The following ZNF710 variants were observed in gnomAD, a reference collection of about 807,000 sequenced individuals.
ZNF710 encodes the protein zinc finger protein 710.
In ZNF710, 13 loss-of-function variants were observed where a neutral mutation model predicts 50.6. The observed-to-expected ratio is 0.26, with a 90% confidence interval of 0.17 to 0.41. The LOEUF (loss-of-function observed/expected upper bound fraction) is 0.41, where lower values mean the gene tolerates loss of function less well. Ranked by LOEUF, ZNF710 falls within the 10% of genes least tolerant of loss-of-function variation. The pLI is 1.00. For missense variants in ZNF710, 721 were observed against 936.6 expected (o/e 0.77, Z 3.01); for synonymous variants, 383 against 397.0 (o/e 0.96, Z 0.42).
rs1354744208 is a variant in ZNF710, at chr15:90,034,946, G to T, written c.-28-32164G>T. ...CAGAGAAAGAGGCTTGATGGCCGGA[G>T]CCCCAGGGCTTCCCTGCTGGTAGAA... On this transcript the variant is annotated intron_variant, in intron 1 of 4. Transcript: ENST00000268154. The surrounding 1 kb of genome is among the most constrained non-coding windows in gnomAD (Gnocchi z 4.0). 3.3e-5 allele frequency among the ~76,000 whole-genome samples: 5 copies of T among 152,226 alleles called. No homozygotes were observed. The highest frequency in any genetic ancestry group is 1.2e-4 in the African/African-American group (5 of 41,462).
At chr15:90,055,304 G>A (rs1899777343) in intron 1 of ZNF710, among the ~76,000 whole-genome samples, 1 of 152,192 alleles carries the variant, frequency 6.6e-6, no homozygotes. Context: ...TGAAGGGAGA[G>A]GAATGAGGAA....
At chr15:90,002,876 C>G (rs533284243) in intron 1 of ZNF710, among the ~76,000 whole-genome samples, 1 of 152,092 alleles carries the variant, frequency 6.6e-6, no homozygotes, top group South Asian at 2.1e-4. Flanking sequence ...ATCCGGGGTG[C>G]CTTTTCTTTT....
At chr15:90,008,008 T>C (rs1898182146) in intron 1 of ZNF710, among the ~76,000 whole-genome samples, 2 of 151,978 alleles carry the variant, frequency 1.3e-5, no homozygotes, top group Non-Finnish European at 2.9e-5. Context: ...AAAGGCTAAA[T>C]TAAAAATTCT....
intron 1 of ZNF710, among the ~76,000 whole-genome samples, chr15:90,004,664 A>G (rs960899010): frequency 6.6e-6 from 1 of 152,238 alleles, no homozygotes; most frequent in Non-Finnish European, 1.5e-5. Flanking sequence ...TAAGTGGCAG[A>G]GCCAGCACTC....
At chr15:90,001,911 G>A (rs1398860626) in intron 1 of ZNF710, among the ~76,000 whole-genome samples, 7 of 130,366 alleles carry the variant, frequency 5.4e-5, no homozygotes, top group Non-Finnish European at 1.2e-4. Flanking sequence ...GGGGGAGGGG[G>A]AAGGGAGAGG....
chr15:90,004,948 A>C (rs1438513442), intron 1 of ZNF710, among the ~76,000 whole-genome samples: 1 of 152,250 alleles, frequency 6.6e-6, no homozygotes, highest in Non-Finnish European at 1.5e-5. Flanking sequence ...AAAGTCCAAC[A>C]ATCAGAGAAG....
intron 1 of ZNF710, among the ~76,000 whole-genome samples, chr15:90,035,761 T>C (rs1036132720): frequency 1.3e-5 from 2 of 152,204 alleles, no homozygotes; most frequent in African/African-American, 4.8e-5. Context: ...CTAGCAAAAA[T>C]GTCCTCTGGA....
intron 1 of ZNF710, among the ~76,000 whole-genome samples, chr15:90,013,403 G>A (rs1481661066): frequency 6.6e-6 from 1 of 152,164 alleles, no homozygotes; most frequent in Non-Finnish European, 1.5e-5. Flanking sequence ...TGCCTGGCCA[G>A]GTGTTGTGTG....
At chr15:90,031,712 T>C (rs1040595646) in intron 1 of ZNF710, among the ~76,000 whole-genome samples, 3 of 152,136 alleles carry the variant, frequency 2.0e-5, no homozygotes, top group African/African-American at 7.2e-5. Context: ...CCACGTCATC[T>C]CTCACTCTCT....
intron 1 of ZNF710, among the ~76,000 whole-genome samples, chr15:90,052,348 T>TTCGG (rs1245615361): frequency 1.3e-5 from 2 of 152,196 alleles, no homozygotes; most frequent in African/African-American, 4.8e-5. Context: ...ATCGGTTTGC[T>TTCGG]TCATTTTCTG....
chr15:90,038,189 C>T (rs1899187321), intron 1 of ZNF710, among the ~76,000 whole-genome samples: 1 of 152,262 alleles, frequency 6.6e-6, no homozygotes, highest in Admixed American at 6.5e-5. Flanking sequence ...TGTAGCAGGC[C>T]CCTCTCTCTA....
chr15:90,065,327 G>A (rs1374851912), intron 1 of ZNF710, among the ~76,000 whole-genome samples: 2 of 152,170 alleles, frequency 1.3e-5, no homozygotes, highest in South Asian at 2.1e-4. Flanking sequence ...TAGTTGGTCC[G>A]TTGGGAGCCC....
At position 90,034,005 on chromosome 15, in the gene ZNF710, C is replaced by A. The variant is rs775156100; in HGVS notation, c.-29+32391C>A. Among the ~76,000 whole-genome samples the A allele has an allele frequency of 2.0e-5, 3 of 152,074 alleles. No homozygotes were observed. The highest frequency in any genetic ancestry group is 4.4e-5 in the Non-Finnish European group (3 of 68,014). ...TCACTTGAGGTCAGGAGTTCAAGAC[C>A]AGCTTGGCTAACATGGTGAAACCCT... is the stretch of plus-strand genomic sequence containing the variant. On this transcript the variant is annotated intron_variant, in intron 1 of 4. Transcript: ENST00000268154. This position sits in a 1 kb window ranked among gnomAD's most constrained non-coding sequence, Gnocchi z 4.0.
In ZNF710 at chr15:90,067,352, A is replaced by G; in HGVS notation, c.215A>G (p.Asn72Ser). ...PGPDVYQLAC[N>S]GRALEEPAEE... ...CCCGACGTCTACCAGCTGGCCTGCA[A>G]CGGGAGGGCCTTGGAGGAGCCGGCG... is the stretch of plus-strand genomic sequence containing the variant. The change falls in exon 2 of 5, where the codon AAC becomes AGC. Residue 72 changes from asparagine to serine, a missense_variant. This residue lies in a region of ZNF710 where 326 missense variants were observed against 347.1 expected (regional missense o/e 0.94). Coordinates refer to ENST00000268154, the MANE Select transcript of ZNF710 (RefSeq NM_198526.4). The surrounding 1 kb of genome is among the most constrained non-coding windows in gnomAD (Gnocchi z 8.1). 6.2e-7 allele frequency: 1 copy of G among 1,600,118 alleles called. No homozygotes were observed. The highest frequency in any genetic ancestry group is 2.3e-5 in the East Asian group (1 of 44,216).
At chr15:90,049,720 G>C (rs1365565923) in intron 1 of ZNF710, among the ~76,000 whole-genome samples, 2 of 152,096 alleles carry the variant, frequency 1.3e-5, no homozygotes, top group Non-Finnish European at 2.9e-5. Context: ...AGGCCCCACT[G>C]CCCTCTGGTT....
intron 1 of ZNF710, among the ~76,000 whole-genome samples, chr15:90,008,452 A>ATACACATATATATATATATATATATGTG (rs1898208128): frequency 1.5e-5 from 2 of 134,008 alleles, no homozygotes; most frequent in Admixed American, 7.1e-5. Context: ...ATATATATAT[A>ATACACATATATATATATATATATATGTG]TGTATATATA....
chr15:90,014,055 ACTTCT>A (rs1480691998), intron 1 of ZNF710, among the ~76,000 whole-genome samples: 2 of 151,814 alleles, frequency 1.3e-5, no homozygotes, highest in Non-Finnish European at 2.9e-5. Context: ...CAAAACCAGT[ACTTCT>A]CTTCTTTTTG....
intron 1 of ZNF710, among the ~76,000 whole-genome samples, chr15:90,031,023 A>G (rs1310149016): frequency 1.3e-5 from 2 of 150,114 alleles, no homozygotes; most frequent in Non-Finnish European, 3.0e-5. Flanking sequence ...CGTCTCAAAA[A>G]AAAAGAAAAA....
chr15:90,003,251 G>A (rs1348531548), intron 1 of ZNF710, among the ~76,000 whole-genome samples: 1 of 152,204 alleles, frequency 6.6e-6, no homozygotes, highest in East Asian at 1.9e-4. Context: ...TGCAGGCCGA[G>A]TGCCCACCTG....
Sources: gnomAD v4.1 joint callset for allele counts (sites outside exome capture counted in the v4.1 genomes callset) on GRCh38, gnomAD v4.1.1 for gene constraint, gnomAD v4.1.1 regional missense constraint, Gnocchi (gnomAD v3.1) non-coding constraint, MANE v1.5 for transcripts, NCBI Gene and HGNC (gene_info 2026-07-23, HGNC 2026-07-21) for gene names.